DGKB: variants seen among roughly 807,000 people sequenced by gnomAD.
DGKB encodes diacylglycerol kinase beta.
A neutral mutation model predicts 114.3 loss-of-function variants in DGKB; 67 were observed. That is an observed-to-expected ratio of 0.59 (90% CI 0.48 to 0.72). The LOEUF is 0.72. Ranked by LOEUF, DGKB falls within the 30% of genes least tolerant of loss-of-function variation. The pLI is 0.00. For missense variants in DGKB, 907 were observed against 975.2 expected (o/e 0.93, Z 0.93); for synonymous variants, 398 against 323.1 (o/e 1.23, Z -2.49).
intron 20 of DGKB, among the ~76,000 whole-genome samples, chr7:14,531,700 GGAGA>G (rs1305297334): frequency 2.0e-5 from 3 of 150,930 alleles, no homozygotes; most frequent in African/African-American, 7.3e-5. Context: ...GATTCTATGT[GGAGA>G]GAAAGAACCC....
intron 21 of DGKB, among the ~76,000 whole-genome samples, chr7:14,442,666 G>C (rs923018211): frequency 5.3e-5 from 8 of 152,026 alleles, no homozygotes; most frequent in African/African-American, 1.7e-4. Flanking sequence ...GTTTTAATAT[G>C]TAATATTTTA....
chr7:14,377,903 T>C (rs1818763289), intron 21 of DGKB, among the ~76,000 whole-genome samples: 2 of 152,214 alleles, frequency 1.3e-5, no homozygotes, highest in Admixed American at 1.3e-4. Context: ...GACAATATAA[T>C]ACTCTCCCTT....
chr7:14,750,985 G>A (rs899313479), intron 4 of DGKB, among the ~76,000 whole-genome samples: 14 of 151,450 alleles, frequency 9.2e-5, no homozygotes, highest in African/African-American at 3.4e-4. Flanking sequence ...TGTATTTTTA[G>A]TGGAGTCAGT....
At chr7:14,223,405 A>G (rs998928892) in intron 23 of DGKB, among the ~76,000 whole-genome samples, 1 of 151,730 alleles carries the variant, frequency 6.6e-6, no homozygotes, top group Non-Finnish European at 1.5e-5. Flanking sequence ...TACATAATGC[A>G]ACTTCCTTTC....
At chr7:14,480,998 T>C (rs1405198506) in intron 20 of DGKB, among the ~76,000 whole-genome samples, 2 of 151,968 alleles carry the variant, frequency 1.3e-5, no homozygotes, top group Non-Finnish European at 2.9e-5. Flanking sequence ...CCTTAACCTA[T>C]ATAGCTTTAT....
At chr7:14,297,771 G>T (rs1252402363) in intron 23 of DGKB, among the ~76,000 whole-genome samples, 1 of 152,138 alleles carries the variant, frequency 6.6e-6, no homozygotes, top group Non-Finnish European at 1.5e-5. Flanking sequence ...AATTGTCTCT[G>T]GCTGCAGACG....
chr7:14,898,861 G>A (rs1782532985), intron 1 of DGKB, among the ~76,000 whole-genome samples: 1 of 152,076 alleles, frequency 6.6e-6, no homozygotes, highest in South Asian at 2.1e-4. Flanking sequence ...ATAGTGATCG[G>A]CATATTGCCA....
chr7:14,545,173 C>A lies in DGKB; in HGVS notation c.1770+29039G>T, dbSNP rs901242242. Among the ~76,000 whole-genome samples the A allele has an allele frequency of 3.3e-5, 5 of 151,788 alleles. 1 individual carries two copies. Among genetic ancestry groups the A allele is most frequent in the East Asian group, 1.9e-4 (1 of 5,172 alleles). ...CTATGCTGTGATAACGATTAAGGCA[C>A]CCTAAAAAAATGTTAGGCTAATAAC... is the stretch of plus-strand genomic sequence containing the variant. On this transcript the variant is annotated intron_variant, in intron 20 of 25. Coordinates refer to ENST00000402815, the MANE Select transcript of DGKB (RefSeq NM_001350709.2).
chr7:14,366,815 A>AT lies in DGKB; in HGVS notation c.1836-21425dup, dbSNP rs527420466. Among the ~76,000 whole-genome samples, 180 of 152,254 alleles carry AT rather than the reference A, an allele frequency of 1.2e-3. 1 individual carries two copies. The highest frequency in any genetic ancestry group is 2.1e-3 in the Non-Finnish European group (140 of 68,000). Reference sequence around the variant, plus strand: ...ATTTGAGCTTCAATTTTCTTCAAAGATTTTCTCTGCAAAGGAACATACGTT... The same window carrying AT: ...ATTTGAGCTTCAATTTTCTTCAAAGATTTTTCTCTGCAAAGGAACATACGTT... On this transcript the variant is annotated intron_variant, in intron 21 of 25. Transcript: ENST00000402815.
intron 21 of DGKB, among the ~76,000 whole-genome samples, chr7:14,372,056 C>G (rs914764222): frequency 6.6e-6 from 1 of 152,158 alleles, no homozygotes; most frequent in South Asian, 2.1e-4. Flanking sequence ...TTTCCAAGTG[C>G]CTTTCTCTTT....
chr7:14,803,607 G>A (rs1842445035), intron 2 of DGKB, among the ~76,000 whole-genome samples: 1 of 152,114 alleles, frequency 6.6e-6, no homozygotes, highest in Non-Finnish European at 1.5e-5. Context: ...TTCGGGCTGA[G>A]TTAGGTATGT....
chr7:14,388,394 A>C (rs1030574624), intron 21 of DGKB, among the ~76,000 whole-genome samples: 2 of 148,220 alleles, frequency 1.3e-5, no homozygotes, highest in Non-Finnish European at 3.0e-5. Flanking sequence ...ACATACTTAA[A>C]TATATATGTA....
chr7:14,780,200 A>G (rs1039595357), intron 2 of DGKB, among the ~76,000 whole-genome samples: 2 of 152,176 alleles, frequency 1.3e-5, no homozygotes, highest in African/African-American at 4.8e-5. Context: ...TGAAAGTAAC[A>G]TGAGTCTATA....
At chr7:14,364,487 T>C (rs1029061078) in intron 21 of DGKB, among the ~76,000 whole-genome samples, 1 of 152,058 alleles carries the variant, frequency 6.6e-6, no homozygotes, top group Admixed American at 6.6e-5. Context: ...TTCTTTTTGT[T>C]ACATTCAATC....
chr7:14,503,199 C>A (rs1467887866), intron 20 of DGKB, among the ~76,000 whole-genome samples: 1 of 152,008 alleles, frequency 6.6e-6, no homozygotes, highest in Non-Finnish European at 1.5e-5. Flanking sequence ...CTGAATCTAC[C>A]TGATATTAAT....
intron 23 of DGKB, among the ~76,000 whole-genome samples, chr7:14,297,477 AGAAAAG>A (rs1802782283): frequency 6.6e-6 from 1 of 152,222 alleles, no homozygotes; most frequent in African/African-American, 2.4e-5. Context: ...CAATAGATGC[AGAAAAG>A]GCCTTCAATA....
intron 25 of DGKB, among the ~76,000 whole-genome samples, chr7:14,159,007 A>C (rs1258733619): frequency 6.6e-6 from 1 of 152,166 alleles, no homozygotes; most frequent in Non-Finnish European, 1.5e-5. Flanking sequence ...AATGGTCATT[A>C]CCTCTCCCGC....
chr7:14,683,582 G>A (rs763806620), intron 10 of DGKB, among the ~76,000 whole-genome samples: 2 of 152,022 alleles, frequency 1.3e-5, no homozygotes, highest in African/African-American at 4.8e-5. Flanking sequence ...ATATGATTTA[G>A]GGTCAACTAC....
At chr7:14,534,036 T>C (rs1792020182) in intron 20 of DGKB, among the ~76,000 whole-genome samples, 1 of 152,062 alleles carries the variant, frequency 6.6e-6, no homozygotes. Flanking sequence ...TGAAATGTTA[T>C]ATAAATCATT....
Sources: allele counts gnomAD v4.1 joint callset (sites outside exome capture counted in the v4.1 genomes callset), GRCh38; gene constraint gnomAD v4.1.1; transcripts MANE v1.5; gene names NCBI Gene and HGNC (gene_info 2026-07-23, HGNC 2026-07-21).